The following NPRL3 variants were observed in gnomAD, a reference collection of about 807,000 sequenced individuals.
The protein encoded by NPRL3 is GATOR1 complex protein NPRL3.
A neutral mutation model predicts 57.2 loss-of-function variants in NPRL3; 23 were observed. That is an observed-to-expected ratio of 0.40 (90% CI 0.29 to 0.57). The LOEUF (loss-of-function observed/expected upper bound fraction) is 0.57. NPRL3 is among the 20% of genes least tolerant of loss of function. The pLI, the probability that NPRL3 is intolerant of heterozygous loss-of-function variation, is 0.42. For missense variants in NPRL3, 691 were observed against 767.1 expected (o/e 0.90, Z 1.17); for synonymous variants, 333 against 321.1 (o/e 1.04, Z -0.39).
intron 4 of NPRL3, among the ~76,000 whole-genome samples, chr16:118,871 C>A (rs1287320922): frequency 1.3e-5 from 2 of 151,738 alleles, no homozygotes; most frequent in Non-Finnish European, 2.9e-5. Context: ...ACGCATCTGC[C>A]CAGGGGAAGC....
chr16:116,798 C>CG (rs1009813694), intron 5 of NPRL3, among the ~76,000 whole-genome samples: 3 of 142,000 alleles, frequency 2.1e-5, no homozygotes, highest in African/African-American at 8.1e-5. Context: ...CCCCCCCCCC[C>CG]CACCGATCTC....
Position 135,169 on chromosome 16 carries a change from T to C in NPRL3, c.118+2981A>G, listed in dbSNP as rs375914030. Among the ~76,000 whole-genome samples the C allele has an allele frequency of 2.7e-3, 412 of 152,258 alleles. 2 individuals carry two copies. Among genetic ancestry groups the C allele is most frequent in the African/African-American group, 9.4e-3 (389 of 41,552 alleles). ...AAATTATGTTGGGACCAGATAGCCA[T>C]ATGGAAAAGAAAATTATGTTGGCCC... On this transcript the variant is annotated intron_variant, in intron 2 of 13. Coordinates refer to ENST00000611875, the MANE Select transcript of NPRL3 (RefSeq NM_001077350.3).
Position 88,851 on chromosome 16 carries a change from T to G in NPRL3, c.1391A>C (p.Asp464Ala). The G allele has an allele frequency of 6.2e-7, 1 of 1,613,688 alleles. No homozygotes were observed. The highest frequency in any genetic ancestry group is 8.5e-7 in the Non-Finnish European group (1 of 1,179,706). The change falls in exon 13 of 14, where the codon GAC (aspartate) becomes GCC (alanine). Residue 464 changes from aspartate (D) to alanine (A), a missense_variant. Coordinates refer to ENST00000611875, the MANE Select transcript of NPRL3 (RefSeq NM_001077350.3). ...DDMTLTSPSM[D>A]NSSAELLPSG... is the part of the protein sequence containing the mutation. ...GGGAAGTAGCTCTGCGCTGGAGTTG[T>G]CCATGCTGGGGCTGGTGAGGGTCAT...
In NPRL3 at chr16:85,699, A is replaced by T. The variant is rs1483349063; in HGVS notation, c.*1006T>A. ...GCCATGCAGGGGAGTGGGCCCGGAA[A>T]CCCCTCCGCTTCTATGTCCGGGGCA... is the stretch of plus-strand genomic sequence containing the variant. On this transcript the variant is annotated 3_prime_UTR_variant, in exon 14 of 14. Coordinates refer to ENST00000611875, the MANE Select transcript of NPRL3 (RefSeq NM_001077350.3). 6.5e-7 allele frequency: 1 copy of T among 1,542,214 alleles called. No individual in the cohort carries two copies. Among genetic ancestry groups the T allele is most frequent in the Non-Finnish European group, 8.8e-7 (1 of 1,141,278 alleles).
intron 7 of NPRL3, among the ~76,000 whole-genome samples, chr16:101,204 C>CTA (rs1204102582): frequency 1.3e-5 from 2 of 152,148 alleles, no homozygotes; most frequent in Non-Finnish European, 2.9e-5. Flanking sequence ...CTGCCCTGCA[C>CTA]ACCTCATGAA....
In NPRL3 at chr16:103,296, AT is replaced by A. The variant is rs533871530; in HGVS notation, c.630-2788del. Among the ~76,000 whole-genome samples the A allele has an allele frequency of 4.2e-3, 175 of 42,078 alleles. 7 individuals carry two copies. Among genetic ancestry groups the A allele is most frequent in the Non-Finnish European group, 5.9e-3 (141 of 24,076 alleles). 27.6% of individuals were successfully genotyped at this position (42,078 alleles called of 152,430 possible). On this transcript the variant is annotated intron_variant, in intron 7 of 13. Transcript: ENST00000611875. ...GACGTGCAACATCACGCCTGGGGTG[AT>A]TTTTTTTTTTTTTTTTTTTTTTTTT...
Position 87,254 on chromosome 16 carries a change from C to T in NPRL3, c.1545-384G>A, listed in dbSNP as rs75112785. Among the ~76,000 whole-genome samples, 783 of 151,734 alleles carry T rather than the reference C, an allele frequency of 5.2e-3. 19 individuals are homozygous for T. The East Asian group carries it at 0.052, about 10-fold the overall frequency. On this transcript the variant is annotated intron_variant, in intron 13 of 13. Transcript: ENST00000611875. ...TTTTTTTTTTCCTTTTTTTGAGAGA[C>T]GGAGTCTCACTCAGTCACCCAGGCT...
chr16:130,668 A>C (rs1596540002), intron 2 of NPRL3, 77 bp from the exon 3 acceptor site: 1 of 1,395,244 alleles, frequency 7.2e-7, no homozygotes. Context: ...GGAACCGTTA[A>C]CAGCCATGTT....
At position 86,046 on chromosome 16, in the gene NPRL3, A is replaced by G. The variant is rs771222119; in HGVS notation, c.*659T>C. On this transcript the variant is annotated 3_prime_UTR_variant, in exon 14 of 14. Coordinates refer to ENST00000611875, the MANE Select transcript of NPRL3 (RefSeq NM_001077350.3). ...CCATGCCTCCACCAGCAAGATGTGC[A>G]CAGGTGACAGGGCTTCTCCAGCCTA... is the stretch of plus-strand genomic sequence containing the variant. The G allele has an allele frequency of 5.6e-6, 2 of 356,158 alleles. No individual in the cohort carries two copies. The highest frequency in any genetic ancestry group is 1.0e-5 in the Non-Finnish European group (2 of 200,392). 22.1% of individuals were successfully genotyped at this position (356,158 alleles called of 1,614,324 possible). A position where few individuals can be genotyped will look rare whatever the true frequency, so the allele number is the denominator to read the frequency against.
chr16:118,674 G>A (rs879834219), intron 4 of NPRL3, among the ~76,000 whole-genome samples: 1 of 152,210 alleles, frequency 6.6e-6, no homozygotes, highest in Non-Finnish European at 1.5e-5. Flanking sequence ...CTGGGTTTAT[G>A]AAGATGCACA....
Position 138,163 on chromosome 16 carries a change from C to T in NPRL3, c.105G>A (p.Pro35=), listed in dbSNP as rs1199163282. ...GCGCTCACTTACTTGTCTGGGACGC[C>T]GGGTGCTCCTGGCTTCTCTGGAAGG... ...RYPFQRSQEH[P]ASQTSKPRSR... The change falls in exon 2 of 14, where the codon CCG becomes CCA. Residue 35 remains proline (P), a synonymous_variant. Coordinates refer to ENST00000611875, the MANE Select transcript of NPRL3 (RefSeq NM_001077350.3). 6 of 1,604,130 alleles carry T rather than the reference C, an allele frequency of 3.7e-6. No individual in the cohort carries two copies. The East Asian group carries it at 6.8e-5, about 18-fold the overall frequency.
chr16:117,593 C>T (rs1248655974), intron 4 of NPRL3, among the ~76,000 whole-genome samples: 4 of 152,342 alleles, frequency 2.6e-5, no homozygotes, highest in South Asian at 2.1e-4. Flanking sequence ...CTCGCCCCCC[C>T]GCTAACAGAA....
At chr16:115,281 G>A (rs1596524606) in intron 5 of NPRL3, among the ~76,000 whole-genome samples, 1 of 151,650 alleles carries the variant, frequency 6.6e-6, no homozygotes, top group African/African-American at 2.4e-5. Flanking sequence ...GGACAAAAGT[G>A]TATATTTTAA....
intron 9 of NPRL3, among the ~76,000 whole-genome samples, chr16:95,530 T>C (rs1898971422): frequency 6.6e-6 from 1 of 151,932 alleles, no homozygotes; most frequent in African/African-American, 2.4e-5. Context: ...CACCCAAAAT[T>C]TACTTGTAGA....
intron 5 of NPRL3, among the ~76,000 whole-genome samples, chr16:115,617 C>T (rs1899999042): frequency 6.6e-6 from 1 of 152,038 alleles, no homozygotes; most frequent in Admixed American, 6.6e-5. Flanking sequence ...TCCTGAGTAG[C>T]TGGAATTACA....
At chr16:93,570 T>G (rs1252146684) in intron 9 of NPRL3, among the ~76,000 whole-genome samples, 2 of 151,514 alleles carry the variant, frequency 1.3e-5, no homozygotes, top group Admixed American at 1.3e-4. Flanking sequence ...AATGGTTTTT[T>G]TTTTTTTTTT....
chr16:100,592 C>T (rs777467653), intron 7 of NPRL3, 83 bp from the exon 8 acceptor site: 136 of 1,279,440 alleles, frequency 1.1e-4, no homozygotes, highest in Admixed American at 9.4e-4. Context: ...CTCAATGGTG[C>T]TGATTCCCCT....
intron 10 of NPRL3, 74 bp downstream of exon 10, chr16:93,145 A>G: frequency 1.0e-6 from 1 of 961,454 alleles, no homozygotes; most frequent in East Asian, 2.6e-5. Flanking sequence ...CACAGAGAAC[A>G]GCATCTGGAG....
intron 9 of NPRL3, among the ~76,000 whole-genome samples, chr16:96,432 T>C (rs970880972): frequency 6.6e-6 from 1 of 151,898 alleles, no homozygotes; most frequent in African/African-American, 2.4e-5. Context: ...TATGGAGTGG[T>C]GAGTTCTTTT....
Sources: allele counts gnomAD v4.1 joint callset (sites outside exome capture counted in the v4.1 genomes callset), GRCh38; gene constraint gnomAD v4.1.1; transcripts MANE v1.5; gene names NCBI Gene and HGNC (gene_info 2026-07-23, HGNC 2026-07-21).